The following AJAP1 variants were observed in gnomAD, a reference collection of about 807,000 sequenced individuals.
The protein encoded by AJAP1 is adherens junctions associated protein 1.
Under a neutral mutation model 35.0 loss-of-function variants are expected in AJAP1, and 5 were observed. The observed-to-expected ratio is 0.14, with a 90% CI of 0.07 to 0.30. The LOEUF (loss-of-function observed/expected upper bound fraction) is 0.30. AJAP1 is among the 10% of genes least tolerant of loss of function. The pLI, the probability that AJAP1 is intolerant of heterozygous loss-of-function variation, is 1.00. For missense variants in AJAP1, 586 were observed against 571.0 expected (o/e 1.03, Z -0.27); for synonymous variants, 284 against 249.3 (o/e 1.14, Z -1.31).
intron 2 of AJAP1, among the ~76,000 whole-genome samples, chr1:4,724,291 G>A (rs1454810532): frequency 6.6e-6 from 1 of 152,134 alleles, no homozygotes; most frequent in Admixed American, 6.5e-5. Flanking sequence ...ATGAGAGGAG[G>A]TGGCCAAGGG....
intron 2 of AJAP1, among the ~76,000 whole-genome samples, chr1:4,735,901 G>A (rs1487408316): frequency 1.3e-5 from 2 of 152,218 alleles, no homozygotes; most frequent in African/African-American, 2.4e-5. Flanking sequence ...GGTCTCCACG[G>A]TGATCTTCAG....
intron 1 of AJAP1, among the ~76,000 whole-genome samples, chr1:4,708,274 T>A (rs145080776): frequency 0.02 from 3,085 of 152,094 alleles, 89 homozygotes; most frequent in South Asian, 0.12. Flanking sequence ...CCGGGCGGTA[T>A]GTTCTTAAGG....
chr1:4,705,939 G>C (rs566427783), intron 1 of AJAP1, among the ~76,000 whole-genome samples: 1 of 152,280 alleles, frequency 6.6e-6, no homozygotes, highest in Admixed American at 6.5e-5. Context: ...ATGACGCTGT[G>C]GCATGGTGAC....
chr1:4,765,797 A>G (rs1021064627), intron 2 of AJAP1, among the ~76,000 whole-genome samples: 2 of 152,160 alleles, frequency 1.3e-5, no homozygotes, highest in African/African-American at 4.8e-5. Flanking sequence ...CTCAAGGGAA[A>G]CCTTCATGCA....
At chr1:4,665,026 CT>C (rs1436951289) in intron 1 of AJAP1, among the ~76,000 whole-genome samples, 3 of 152,118 alleles carry the variant, frequency 2.0e-5, no homozygotes, top group Non-Finnish European at 4.4e-5. Context: ...GAGGATTGTG[CT>C]CTCTGGCTTG....
chr1:4,727,602 C>T (rs242046), intron 2 of AJAP1, among the ~76,000 whole-genome samples: 27 of 152,210 alleles, frequency 1.8e-4, no homozygotes, highest in Non-Finnish European at 3.7e-4. Context: ...GACCTGGGTG[C>T]CCGGAAGACC....
At chr1:4,688,413 A>G (rs970713496) in intron 1 of AJAP1, among the ~76,000 whole-genome samples, 2 of 152,148 alleles carry the variant, frequency 1.3e-5, no homozygotes, top group African/African-American at 4.8e-5. Flanking sequence ...GAAAACATTC[A>G]AGGTGTAGCT....
intron 1 of AJAP1, among the ~76,000 whole-genome samples, chr1:4,673,275 A>G (rs893258023): frequency 6.6e-6 from 1 of 152,180 alleles, no homozygotes; most frequent in African/African-American, 2.4e-5. Context: ...GCAATAGCTA[A>G]CTAATTCAAT....
chr1:4,779,272 G>A (rs1432964029), intron 5 of AJAP1, among the ~76,000 whole-genome samples: 1 of 152,152 alleles, frequency 6.6e-6, no homozygotes, highest in Non-Finnish European at 1.5e-5. Flanking sequence ...AGGTGGCCAG[G>A]ACCCAGTGCA....
At chr1:4,740,283 AT>A (rs1641025513) in intron 2 of AJAP1, among the ~76,000 whole-genome samples, 1 of 80,472 alleles carries the variant, frequency 1.2e-5, no homozygotes, top group Non-Finnish European at 2.5e-5. Flanking sequence ...ACTCTGTCAG[AT>A]TCTACTCATA....
intron 1 of AJAP1, among the ~76,000 whole-genome samples, chr1:4,683,369 C>T (rs914161146): frequency 1.3e-5 from 2 of 152,164 alleles, no homozygotes; most frequent in African/African-American, 4.8e-5. Flanking sequence ...TTCCTTGGCC[C>T]GCCCTCACTG....
Position 4,723,041 on chromosome 1 carries a change from C to T in AJAP1, c.829+10342C>T, listed in dbSNP as rs35734830. 0.14 allele frequency among the ~76,000 whole-genome samples: 20,542 copies of T among 152,034 alleles called. 1,727 individuals are homozygous for T. Among genetic ancestry groups the T allele is most frequent in the Non-Finnish European group, 0.17 (11,589 of 67,954 alleles). ...GGCATTCTAGGGGGAAGACAGGAGG[C>T]AATGATACCAGATGGGACGTGATAA... On this transcript the variant is annotated intron_variant, in intron 2 of 5. Transcript: ENST00000378191. The surrounding 1 kb of genome is among the most constrained non-coding windows in gnomAD (Gnocchi z 4.3).
In AJAP1 at chr1:4,692,795, C is replaced by A. The variant is rs547377464; in HGVS notation, c.30-19105C>A. On this transcript the variant is annotated intron_variant, in intron 1 of 5. Coordinates refer to ENST00000378191, the MANE Select transcript of AJAP1 (RefSeq NM_018836.4). This position sits in a 1 kb window ranked among gnomAD's most constrained non-coding sequence, Gnocchi z 4.4. Reference sequence around the variant, plus strand: ...CTGAAATGCCTGTTCCCTCAGTGGACTGTGAACTCCCCATCTGGGTTCCTC... The same window carrying A: ...CTGAAATGCCTGTTCCCTCAGTGGAATGTGAACTCCCCATCTGGGTTCCTC... Among the ~76,000 whole-genome samples the A allele has an allele frequency of 6.6e-6, 1 of 152,280 alleles. No individual in the cohort carries two copies. Among genetic ancestry groups the A allele is most frequent in the South Asian group, 2.1e-4 (1 of 4,826 alleles).
intron 1 of AJAP1, among the ~76,000 whole-genome samples, chr1:4,694,615 G>A (rs1570120886): frequency 6.6e-6 from 1 of 152,226 alleles, no homozygotes; most frequent in Admixed American, 6.5e-5. Flanking sequence ...CTGACAAGGA[G>A]ATGAGCTCGT....
intron 1 of AJAP1, among the ~76,000 whole-genome samples, chr1:4,691,176 C>T (rs1639730473): frequency 1.3e-5 from 2 of 152,226 alleles, no homozygotes; most frequent in African/African-American, 4.8e-5. Flanking sequence ...CCAGAGTCCC[C>T]ATCAGGCTCC....
intron 4 of AJAP1, 91 bp from the exon 5 acceptor site, chr1:4,774,336 C>G: frequency 8.4e-7 from 1 of 1,192,078 alleles, no homozygotes; most frequent in Non-Finnish European, 1.3e-6. Context: ...TCTCAAGAAG[C>G]CAGTCCCCAC....
At chr1:4,701,123 G>C (rs893422651) in intron 1 of AJAP1, among the ~76,000 whole-genome samples, 1 of 152,238 alleles carries the variant, frequency 6.6e-6, no homozygotes. Context: ...ACCTGCGAAG[G>C]CTGTCGAGCA....
intron 2 of AJAP1, among the ~76,000 whole-genome samples, chr1:4,756,220 C>T (rs536759894): frequency 3.3e-4 from 51 of 152,262 alleles, no homozygotes; most frequent in African/African-American, 9.9e-4. Flanking sequence ...TTTCACATCA[C>T]GGGCCCCAAA....
intron 1 of AJAP1, among the ~76,000 whole-genome samples, chr1:4,707,615 G>A (rs921597827): frequency 7.9e-5 from 12 of 152,068 alleles, no homozygotes; most frequent in African/African-American, 9.7e-5. Context: ...AAGGCTGAAC[G>A]ATACTCCATT....
Sources: allele counts gnomAD v4.1 joint callset (sites outside exome capture counted in the v4.1 genomes callset), GRCh38; gene constraint gnomAD v4.1.1; non-coding constraint Gnocchi (gnomAD v3.1); transcripts MANE v1.5; gene names NCBI Gene and HGNC (gene_info 2026-07-23, HGNC 2026-07-21).